Variants in EIF3C observed in about 807,000 individuals in gnomAD.
EIF3C encodes cell migration-inducing protein 17.
A neutral mutation model predicts 11.1 loss-of-function variants in EIF3C; 2 were observed. The observed-to-expected ratio is 0.18, with a 90% CI of 0.07 to 0.57. EIF3C has a LOEUF of 0.57. Ranked by LOEUF, EIF3C falls within the 20% of genes least tolerant of loss-of-function variation. The pLI is 0.92. For missense variants in EIF3C, 16 were observed against 114.6 expected, an observed-to-expected ratio of 0.14 and a Z score of 3.93; for synonymous variants, 2 against 41.5, an observed-to-expected ratio of 0.05 and a Z score of 3.66.
At chr16:28,728,156 C>T (rs2151799651) in intron 15 of EIF3C, among the ~76,000 whole-genome samples, 1 of 26,096 alleles carries the variant, frequency 3.8e-5, no homozygotes, top group East Asian at 4.9e-4. Flanking sequence ...TGGTATTGGT[C>T]TTTTAAACTT....
chr16:28,729,983 TCTC>T (rs1448151794), intron 15 of EIF3C, among the ~76,000 whole-genome samples: 30 of 150,526 alleles, frequency 2.0e-4, no homozygotes, highest in Middle Eastern at 3.4e-3. Flanking sequence ...CCCGGTTACT[TCTC>T]CTTCATTCTA....
intron 16 of EIF3C, among the ~76,000 whole-genome samples, chr16:28,732,480 ATCTT>A (rs1388190733): frequency 1.7e-5 from 1 of 57,702 alleles, no homozygotes; most frequent in Admixed American, 1.6e-4. Flanking sequence ...TGTACCTCTG[ATCTT>A]TCTTTCCCTT....
chr16:28,728,520 G>A (rs2048406319), intron 15 of EIF3C, among the ~76,000 whole-genome samples: 2 of 80,808 alleles, frequency 2.5e-5, no homozygotes, highest in South Asian at 6.2e-4. Context: ...TATCTTTTAG[G>A]GGTGTGTGTG....
rs1267218712 is a variant in EIF3C at position 28,695,719 on chromosome 16, GT to G, written c.-31+6892del. Among the ~76,000 whole-genome samples the G allele has an allele frequency of 1.2e-4, 6 of 51,914 alleles. 3 individuals are homozygous for G. Among genetic ancestry groups the G allele is most frequent in the Non-Finnish European group, 2.1e-4 (6 of 28,042 alleles). 34.1% of individuals were successfully genotyped at this position (51,914 alleles called of 152,430 possible). A position where few individuals can be genotyped will look rare whatever the true frequency, so the allele number is the denominator to read the frequency against. ...ACAGTTAACCAGAGGGCTGGGCGCA[GT>G]GGCTTACACCTGTAATCCCAGCACT... On this transcript the variant is annotated intron_variant, in intron 1 of 20. Coordinates refer to the EIF3C transcript ENST00000566501.
chr16:28,702,972 C>T (rs1248663692), intron 1 of EIF3C, among the ~76,000 whole-genome samples: 2 of 1,902 alleles, frequency 1.1e-3, no homozygotes, highest in African/African-American at 0.015. Flanking sequence ...AAGGTTGCAG[C>T]GAGCTGCACC....
Position 28,729,846 on chromosome 16 carries a change from C to T in EIF3C, c.1819-1983C>T, listed in dbSNP as rs1391370289. Among the ~76,000 whole-genome samples the T allele has an allele frequency of 1.3e-5, 2 of 149,858 alleles. 1 individual carries two copies. The highest frequency in any genetic ancestry group is 3.0e-5 in the Non-Finnish European group (2 of 67,340). On this transcript the variant is annotated intron_variant, in intron 15 of 20. Transcript: ENST00000331666. ...ATAGTGGTGCACGCCTGTAGTCCCA[C>T]CTACTCAGGAGGCTGAGGTAGGAGG...
chr16:28,723,413 C>T (rs2048361500), intron 9 of EIF3C, 35 bp from the exon 10 acceptor site: 4 of 1,612,442 alleles, frequency 2.5e-6, no homozygotes, highest in Non-Finnish European at 3.4e-6. Context: ...CAGTTTCCCG[C>T]TGGCATGTAC....
intron 1 of EIF3C, among the ~76,000 whole-genome samples, chr16:28,698,327 C>T (rs1391433864): frequency 6.2e-5 from 6 of 96,260 alleles, no homozygotes; most frequent in East Asian, 7.3e-4. Flanking sequence ...CCAGTAGGGG[C>T]GGCCGGGCAG....
At chr16:28,725,780 AT>A (rs2048377918) in intron 13 of EIF3C, among the ~76,000 whole-genome samples, 1 of 37,284 alleles carries the variant, frequency 2.7e-5, no homozygotes, top group African/African-American at 1.2e-4. Flanking sequence ...AAAAAAAAAA[AT>A]AGTATGATGT....
chr16:28,725,933 A>T (rs2048380661), intron 13 of EIF3C, among the ~76,000 whole-genome samples: 1 of 149,124 alleles, frequency 6.7e-6, no homozygotes, highest in African/African-American at 2.5e-5. Flanking sequence ...CTCAAATACA[A>T]AAATTAGCCA....
At chr16:28,697,996 G>T (rs1263411991) in intron 1 of EIF3C, among the ~76,000 whole-genome samples, 818 of 68,588 alleles carry the variant, frequency 0.012, 94 homozygotes, top group Non-Finnish European at 0.017. Context: ...CGGGCGGGGG[G>T]GCTGACCCCC....
At chr16:28,700,025 C>T (rs1266919724) in intron 1 of EIF3C, 1 of 54,670 alleles carries the variant, frequency 1.8e-5, no homozygotes, top group Non-Finnish European at 3.2e-5. Flanking sequence ...CCTCCCCGGG[C>T]CCCTGGGCCT....
At chr16:28,729,796 C>CA (rs1432346250) in intron 15 of EIF3C, among the ~76,000 whole-genome samples, 5 of 146,900 alleles carry the variant, frequency 3.4e-5, no homozygotes, top group African/African-American at 1.3e-4. Flanking sequence ...CCTGTCTCTA[C>CA]AAAAAATACA....
At chr16:28,712,973 G>A (rs1251508912) in intron 2 of EIF3C, among the ~76,000 whole-genome samples, 1 of 149,184 alleles carries the variant, frequency 6.7e-6, no homozygotes, top group East Asian at 2.0e-4. Flanking sequence ...ACTCCAGCCT[G>A]GGCGATAAAA....
intron 1 of EIF3C, chr16:28,700,514 T>G (rs1309542664): frequency 1.0e-4 from 33 of 330,696 alleles, no homozygotes; most frequent in Non-Finnish European, 1.4e-4. Flanking sequence ...AGGGGGGAAC[T>G]CGTCACCTCC....
Position 28,698,499 on chromosome 16 carries a change from T to C in EIF3C, c.-31+9671T>C, listed in dbSNP as rs2048258809. On this transcript the variant is annotated intron_variant, in intron 1 of 20. Transcript: ENST00000566501. Reference sequence around the variant, plus strand: ...CGGAGGGGCTGACCCCCCACCTCCCTCCCGGATGGGGCGGCTGGCTGGGCG... The same window carrying C: ...CGGAGGGGCTGACCCCCCACCTCCCCCCCGGATGGGGCGGCTGGCTGGGCG... Among the ~76,000 whole-genome samples the C allele has an allele frequency of 2.5e-5, 2 of 79,256 alleles. 1 individual carries two copies. Among genetic ancestry groups the C allele is most frequent in the South Asian group, 1.9e-3 (2 of 1,042 alleles). 52.0% of individuals were successfully genotyped at this position (79,256 alleles called of 152,430 possible).
rs78972910 is a variant in EIF3C at position 28,698,658 on chromosome 16, G to C, written c.-31+9830G>C. Among the ~76,000 whole-genome samples, 25 of 67,084 alleles carry C rather than the reference G, an allele frequency of 3.7e-4. 2 individuals carry two copies. Among genetic ancestry groups the C allele is most frequent in the South Asian group, 1.2e-3 (1 of 804 alleles). The allele number at this position is 67,084 out of a possible 152,430, so 44.0% of individuals were successfully genotyped here. A position where few individuals can be genotyped will look rare whatever the true frequency, so the allele number is the denominator to read the frequency against. The stretch of plus-strand genomic sequence containing the variant: ...AGATGGGGTGGCTGCCGGGCGGAGA[G>C]GCTCCTCACTTCTCAGACGGGGCAG... On this transcript the variant is annotated intron_variant, in intron 1 of 20. Coordinates refer to the EIF3C transcript ENST00000566501.
chr16:28,699,441 GGGAGACCGTGGGGAGAGGGAGAC>G lies in EIF3C; in HGVS notation c.-31+10620_-31+10642del, dbSNP rs2048267454. On this transcript the variant is annotated intron_variant, in intron 1 of 20. Transcript: ENST00000566501. ...AGTCCAGCTTCGGCTCCGCATGAGAGGGAGACCGTGGGGAGAGGGAGACGGAGACGGAGACGGAGACGGAGAGG... is the reference window on the plus strand; with the variant it reads ...AGTCCAGCTTCGGCTCCGCATGAGAGGGAGACGGAGACGGAGACGGAGAGG... Among the ~76,000 whole-genome samples, 3 of 102,790 alleles carry G rather than the reference GGGAGACCGTGGGGAGAGGGAGAC, an allele frequency of 2.9e-5. 1 individual carries two copies. The highest frequency in any genetic ancestry group is 5.7e-5 in the Non-Finnish European group (3 of 52,806). The allele number at this position is 102,790 out of a possible 152,430, so 67.4% of individuals were successfully genotyped here. A position where few individuals can be genotyped will look rare whatever the true frequency, so the allele number is the denominator to read the frequency against.
At chr16:28,696,364 TA>T (rs536758803) in intron 1 of EIF3C, among the ~76,000 whole-genome samples, 815 of 20,660 alleles carry the variant, frequency 0.039, 278 homozygotes, top group East Asian at 0.35. Flanking sequence ...AAACTGTGTC[TA>T]AAAAAAAAAA....
Sources: gnomAD v4.1 joint callset for allele counts (sites outside exome capture counted in the v4.1 genomes callset) on GRCh38, gnomAD v4.1.1 for gene constraint, MANE v1.5 for transcripts, NCBI Gene and HGNC (gene_info 2026-07-23, HGNC 2026-07-21) for gene names.